The following PTPRO variants were observed in gnomAD, a reference collection of about 807,000 sequenced individuals.
The protein encoded by PTPRO is receptor-type tyrosine-protein phosphatase O.
In PTPRO, 62 loss-of-function variants were observed where a neutral mutation model predicts 145.2. The observed-to-expected ratio is 0.43, with a 90% CI of 0.35 to 0.53. The LOEUF is 0.53. PTPRO is among the 20% of genes least tolerant of loss of function. The pLI, the probability that PTPRO is intolerant of heterozygous loss-of-function variation, is 0.01. For missense variants in PTPRO, 1,345 were observed against 1,482.7 expected (o/e 0.91, Z 1.53); for synonymous variants, 565 against 514.7 (o/e 1.10, Z -1.32).
chr12:15,339,261 C>T (rs1018046206), intron 1 of PTPRO, among the ~76,000 whole-genome samples: 5 of 151,904 alleles, frequency 3.3e-5, no homozygotes, highest in Admixed American at 1.3e-4. Context: ...AGTAGAAACA[C>T]GAGAAAATGT....
intron 17 of PTPRO, among the ~76,000 whole-genome samples, chr12:15,564,730 C>T (rs1344398257): frequency 1.3e-5 from 2 of 152,138 alleles, no homozygotes; most frequent in African/African-American, 4.8e-5. Context: ...GTGCTTCTAT[C>T]AAAATTATGT....
chr12:15,486,688 TTA>T lies in PTPRO; in HGVS notation c.349+2442_349+2443del, dbSNP rs1221173569. ...TTCAACATATAATCAATATACATAT[TTA>T]CACATTTTTTACTTTCATACATAAA... On this transcript the variant is annotated intron_variant, in intron 2 of 26. Coordinates refer to ENST00000281171, the MANE Select transcript of PTPRO (RefSeq NM_030667.3). Among the ~76,000 whole-genome samples, 20 of 152,142 alleles carry T rather than the reference TTA, an allele frequency of 1.3e-4. 1 individual carries two copies. The highest frequency in any genetic ancestry group is 4.8e-4 in the African/African-American group (20 of 41,552).
chr12:15,337,672 C>A (rs1866811727), intron 1 of PTPRO, among the ~76,000 whole-genome samples: 1 of 152,162 alleles, frequency 6.6e-6, no homozygotes, highest in African/African-American at 2.4e-5. Flanking sequence ...ACCAAAATGT[C>A]CTTCAACAAG....
At chr12:15,393,336 T>A (rs189440392) in intron 1 of PTPRO, among the ~76,000 whole-genome samples, 5 of 152,308 alleles carry the variant, frequency 3.3e-5, no homozygotes, top group Admixed American at 3.3e-4. Context: ...GACTGGTACC[T>A]CACAGATACC....
chr12:15,392,215 G>A (rs1939206956), intron 1 of PTPRO, among the ~76,000 whole-genome samples: 2 of 152,170 alleles, frequency 1.3e-5, no homozygotes, highest in South Asian at 2.1e-4. Context: ...AATGATATTA[G>A]CAGTGACCCC....
intron 1 of PTPRO, among the ~76,000 whole-genome samples, chr12:15,389,199 G>T (rs966835959): frequency 6.6e-6 from 1 of 151,430 alleles, no homozygotes; most frequent in African/African-American, 2.4e-5. Context: ...TGCCTCCCAG[G>T]TTCACGCCAT....
At chr12:15,361,757 A>G (rs972871350) in intron 1 of PTPRO, among the ~76,000 whole-genome samples, 1 of 152,252 alleles carries the variant, frequency 6.6e-6, no homozygotes, top group Non-Finnish European at 1.5e-5. Flanking sequence ...AAGTTTTATT[A>G]CAATGCAAAT....
chr12:15,581,229 G>A (rs967466044), intron 22 of PTPRO, among the ~76,000 whole-genome samples: 8 of 151,850 alleles, frequency 5.3e-5, no homozygotes, highest in African/African-American at 1.9e-4. Context: ...GTTACTAAAG[G>A]CAGTTTCAGC....
At position 15,480,217 on chromosome 12, in the gene PTPRO, A is replaced by G. The variant is rs1941749604; in HGVS notation, c.76-3757A>G. On this transcript the variant is annotated intron_variant, in intron 1 of 26. Coordinates refer to ENST00000281171, the MANE Select transcript of PTPRO (RefSeq NM_030667.3). ...AGCATACTTTTAGTTTATTAAGTAT[A>G]GTAATAATACCTGATTTAAAGTACT... Among the ~76,000 whole-genome samples, 4 of 152,218 alleles carry G rather than the reference A, an allele frequency of 2.6e-5. No individual in the cohort carries two copies. In the South Asian group the frequency reaches 8.3e-4, roughly 32 times the overall value.
At chr12:15,454,061 G>A (rs1410840706) in intron 1 of PTPRO, among the ~76,000 whole-genome samples, 1 of 152,118 alleles carries the variant, frequency 6.6e-6, no homozygotes, top group Non-Finnish European at 1.5e-5. Flanking sequence ...ATTTCTTCAA[G>A]ATCCTGATTT....
Position 15,549,184 on chromosome 12 carries a change from G to A in PTPRO, c.2395G>A (p.Asp799Asn). The A allele has an allele frequency of 1.2e-6, 2 of 1,610,672 alleles. No individual in the cohort carries two copies. Among genetic ancestry groups the A allele is most frequent in the East Asian group, 2.2e-5 (1 of 44,832 alleles). Reference protein sequence around the residue: ...YNCSVTSFSHDSPSVPTFIAV... With the variant: ...YNCSVTSFSHNSPSVPTFIAV... ...TTGTAGTGTCACCAGCTTTAGCCATGACAGCCCCAGTGTCCCTACGTTCAT... is the reference window on the plus strand; with the variant it reads ...TTGTAGTGTCACCAGCTTTAGCCATAACAGCCCCAGTGTCCCTACGTTCAT... Residue 799 changes from aspartate (D) to asparagine (N), a missense_variant, in exon 14 of 27, where the codon GAC becomes AAC. Physicochemically the swap from Asp to Asn is conservative, Grantham distance 23. Transcript: ENST00000281171.
intron 1 of PTPRO, among the ~76,000 whole-genome samples, chr12:15,336,066 C>T (rs915894409): frequency 1.3e-5 from 2 of 152,074 alleles, no homozygotes; most frequent in African/African-American, 2.4e-5. Context: ...TAATAACATA[C>T]AAAGAACTGG....
rs74062873 is a variant in PTPRO, at chr12:15,564,679, C to G, written c.2712-914C>G. Among the ~76,000 whole-genome samples, 1,279 of 152,300 alleles carry G rather than the reference C, an allele frequency of 8.4e-3. 13 individuals carry two copies. The highest frequency in any genetic ancestry group is 0.029 in the African/African-American group (1,202 of 41,566). On this transcript the variant is annotated intron_variant, in intron 17 of 26. Transcript: ENST00000281171. ...ACACATTAAAGTACTAAGATTACAA[C>G]TGGTTATTTACTATAGACTGTTTAT...
chr12:15,359,496 G>A (rs1938107532), intron 1 of PTPRO, among the ~76,000 whole-genome samples: 1 of 138,854 alleles, frequency 7.2e-6, no homozygotes, highest in Non-Finnish European at 1.5e-5. Context: ...GTGATCTCCT[G>A]GGATCAAGTG....
intron 1 of PTPRO, among the ~76,000 whole-genome samples, chr12:15,368,401 T>C (rs939135398): frequency 5.3e-5 from 8 of 152,214 alleles, no homozygotes; most frequent in African/African-American, 1.9e-4. Context: ...TCTAGCACCA[T>C]TCCTGTATTT....
intron 7 of PTPRO, among the ~76,000 whole-genome samples, chr12:15,511,418 T>G (rs1012918680): frequency 2.6e-5 from 4 of 152,226 alleles, no homozygotes; most frequent in Admixed American, 2.0e-4. Flanking sequence ...GTTTTTAATT[T>G]ATTACCAAGT....
At chr12:15,385,791 G>A (rs1939006182) in intron 1 of PTPRO, among the ~76,000 whole-genome samples, 1 of 118,462 alleles carries the variant, frequency 8.4e-6, no homozygotes, top group African/African-American at 3.4e-5. Flanking sequence ...CAGCCTGGGT[G>A]ACAGAGCAAG....
At chr12:15,352,146 G>T (rs1331988302) in intron 1 of PTPRO, among the ~76,000 whole-genome samples, 2 of 152,202 alleles carry the variant, frequency 1.3e-5, no homozygotes, top group East Asian at 3.8e-4. Context: ...CGCCCAGCAT[G>T]TAGCTCTGGT....
At chr12:15,350,676 TA>T (rs570554905) in intron 1 of PTPRO, among the ~76,000 whole-genome samples, 17 of 152,250 alleles carry the variant, frequency 1.1e-4, no homozygotes, top group Non-Finnish European at 2.9e-5. Context: ...ACTGCCTGGT[TA>T]CTTTACTAGA....
Sources: gnomAD v4.1 joint callset for allele counts (sites outside exome capture counted in the v4.1 genomes callset) on GRCh38, gnomAD v4.1.1 for gene constraint, MANE v1.5 for transcripts, NCBI Gene and HGNC (gene_info 2026-07-23, HGNC 2026-07-21) for gene names.